MTCH1: variants seen among roughly 807,000 people sequenced by gnomAD.
MTCH1 encodes the protein mitochondrial carrier 1, also known as mitochondrial carrier homolog 1.
A neutral mutation model predicts 49.3 loss-of-function variants in MTCH1; 23 were observed. The ratio of observed to expected loss-of-function variants is 0.47; its 90% CI spans 0.34 to 0.66. The LOEUF (loss-of-function observed/expected upper bound fraction) is 0.66. Among genes scored for constraint, MTCH1 ranks in the 30% least tolerant of loss-of-function variants. MTCH1 has a pLI of 0.01. For missense variants in MTCH1, 397 were observed against 532.1 expected, an observed-to-expected ratio of 0.75 and a Z score of 2.50; for synonymous variants, 229 against 215.2, an observed-to-expected ratio of 1.06 and a Z score of -0.56.
At chr6:36,983,245 C>T (rs186136188) in intron 1 of MTCH1, among the ~76,000 whole-genome samples, 63 of 152,292 alleles carry the variant, frequency 4.1e-4, no homozygotes, top group African/African-American at 1.4e-3. Context: ...GTGAGTACTT[C>T]CCTTCTAGAC....
chr6:36,970,723 G>A lies in MTCH1; in HGVS notation c.907-29C>T, dbSNP rs966337315. ...AGGAGACAGAAGGGAAGAGTGGTTTGCCACAGGCACCTCAGGATGCAGACT... is the reference window on the plus strand; with the variant it reads ...AGGAGACAGAAGGGAAGAGTGGTTTACCACAGGCACCTCAGGATGCAGACT... On this transcript the variant is annotated intron_variant, in intron 8 of 11. Coordinates refer to ENST00000373627, the MANE Select transcript of MTCH1 (RefSeq NM_001271641.2). 8 of 1,611,388 alleles carry A rather than the reference G, an allele frequency of 5.0e-6. No homozygotes were observed. The African/African-American group carries it at 1.1e-4, about 22-fold the overall frequency.
At position 36,968,757 on chromosome 6, in the gene MTCH1, A is replaced by T; in HGVS notation, c.*146T>A. The T allele has an allele frequency of 7.8e-7, 1 of 1,286,152 alleles. No homozygotes were observed. The highest frequency in any genetic ancestry group is 1.1e-6 in the Non-Finnish European group (1 of 908,456). 79.7% of individuals were successfully genotyped at this position (1,286,152 alleles called of 1,614,324 possible). On this transcript the variant is annotated 3_prime_UTR_variant, in exon 12 of 12. Transcript: ENST00000373627. Reference sequence around the variant, plus strand: ...CCCGCTCAACCCCACATCTGGACAGACACATGGCAAATATGGAACTGAAGC... The same window carrying T: ...CCCGCTCAACCCCACATCTGGACAGTCACATGGCAAATATGGAACTGAAGC...
intron 2 of MTCH1, 148 bp from the exon 3 acceptor site, chr6:36,978,759 G>T: frequency 1.7e-6 from 1 of 592,696 alleles, no homozygotes; most frequent in Non-Finnish European, 2.9e-6. Flanking sequence ...GGACCTGGAA[G>T]CAGTCAGGCC....
chr6:36,971,682 G>GA (rs1383807164), intron 8 of MTCH1, among the ~76,000 whole-genome samples: 1 of 152,064 alleles, frequency 6.6e-6, no homozygotes, highest in Admixed American at 6.5e-5. Context: ...TCACCACACA[G>GA]AACAGACATG....
chr6:36,977,195 C>T lies in MTCH1; in HGVS notation c.701+4G>A, dbSNP rs376477097. On this transcript the variant is annotated splice_donor_region_variant and intron_variant, in intron 6 of 11. Coordinates refer to ENST00000373627, the MANE Select transcript of MTCH1 (RefSeq NM_001271641.2). The surrounding 1 kb of genome is among the most constrained non-coding windows in gnomAD (Gnocchi z 5.4). The stretch of plus-strand genomic sequence containing the variant: ...CCACTCTGCCAGTCCCAAGAGTTAC[C>T]CACCTGTACTTGGCCTCCCGTCCCA... 142 of 1,613,808 alleles carry T rather than the reference C, an allele frequency of 8.8e-5. 1 individual carries two copies. The highest frequency in any genetic ancestry group is 1.1e-4 in the Non-Finnish European group (132 of 1,179,942).
At chr6:36,978,212 C>T (rs529499931) in intron 3 of MTCH1, 57 bp from the exon 4 acceptor site, 21 of 1,475,432 alleles carry the variant, frequency 1.4e-5, no homozygotes, top group South Asian at 5.7e-5. Flanking sequence ...TGGAACTCTT[C>T]GGGGACTTGG....
rs748071779 is a variant in MTCH1 at position 36,975,681 on chromosome 6, C to G, written c.738G>C (p.Glu246Asp). 6.2e-7 allele frequency: 1 copy of G among 1,614,118 alleles called. No individual in the cohort carries two copies. The highest frequency in any genetic ancestry group is 2.2e-5 in the East Asian group (1 of 44,874). ...VLSSIGKIFK[E>D]EGLLGFFVGL... ...ACACGAAGAATCCCAGCAGCCCTTC[C>G]TCTTTGAAAATCTTCCCAATGGAGC... Residue 246 changes from glutamate (E) to aspartate (D), a missense_variant, in exon 7 of 12, where the codon GAG becomes GAC. By Grantham distance (45) the Glu-to-Asp change is conservative. Coordinates refer to ENST00000373627, the MANE Select transcript of MTCH1 (RefSeq NM_001271641.2).
intron 3 of MTCH1, 100 bp from the exon 4 acceptor site, chr6:36,978,255 C>A: frequency 8.9e-7 from 1 of 1,126,130 alleles, no homozygotes; most frequent in Non-Finnish European, 1.3e-6. Context: ...ATTTCCTCTG[C>A]AGTGTCTATT....
chr6:36,972,046 T>G lies in MTCH1; in HGVS notation c.906+606A>C, dbSNP rs1763704269. ...GACCACAGCTAACAAAATAGGAGGG[T>G]GTATCGGACTGTACACTTCCTAGCA... On this transcript the variant is annotated intron_variant, in intron 8 of 11. Transcript: ENST00000373627. The surrounding 1 kb of genome is among the most constrained non-coding windows in gnomAD (Gnocchi z 4.1). Among the ~76,000 whole-genome samples, 1 of 151,866 alleles carries G rather than the reference T, an allele frequency of 6.6e-6. No individual in the cohort carries two copies. Among genetic ancestry groups the G allele is most frequent in the African/African-American group, 2.4e-5 (1 of 41,316 alleles).
At chr6:36,984,458 G>A (rs1764220451) in intron 1 of MTCH1, among the ~76,000 whole-genome samples, 1 of 152,034 alleles carries the variant, frequency 6.6e-6, no homozygotes, top group South Asian at 2.1e-4. Context: ...TCGGATCCCA[G>A]ATTTCAATTA....
At chr6:36,969,336 G>T in intron 11 of MTCH1, 1 of 1,109,224 alleles carries the variant, frequency 9.0e-7, no homozygotes, top group South Asian at 2.4e-5. Flanking sequence ...TCTCCTCCCT[G>T]CTTCCCTCCC....
chr6:36,977,281 G>C lies in MTCH1; in HGVS notation c.650-31C>G, dbSNP rs1213329764. The stretch of plus-strand genomic sequence containing the variant: ...GAAAAAAAAGAAAACACACACAGGT[G>C]ATGTGGTGGGCCACACTTCATAATG... On this transcript the variant is annotated intron_variant, in intron 5 of 11. Transcript: ENST00000373627. This position sits in a 1 kb window ranked among gnomAD's most constrained non-coding sequence, Gnocchi z 5.4. 6.2e-7 allele frequency: 1 copy of C among 1,611,994 alleles called. No individual in the cohort carries two copies. The highest frequency in any genetic ancestry group is 1.7e-5 in the Admixed American group (1 of 60,024).
At position 36,978,227 on chromosome 6, in the gene MTCH1, CA is replaced by C. The variant is rs1331493156; in HGVS notation, c.514-73del. The C allele has an allele frequency of 4.5e-6, 6 of 1,330,720 alleles. No homozygotes were observed. The African/African-American group carries it at 8.7e-5, about 19-fold the overall frequency. 82.4% of individuals were successfully genotyped at this position (1,330,720 alleles called of 1,614,324 possible). A position where few individuals can be genotyped will look rare whatever the true frequency, so the allele number is the denominator to read the frequency against. ...TGGAACTCTTCGGGGACTTGGGCGGCAGGAACCAGCTCCAAATATTTCCTCT... is the reference window on the plus strand; with the variant it reads ...TGGAACTCTTCGGGGACTTGGGCGGCGGAACCAGCTCCAAATATTTCCTCT... On this transcript the variant is annotated intron_variant, in intron 3 of 11. Transcript: ENST00000373627.
Position 36,977,810 on chromosome 6 carries a change from C to G in MTCH1, c.592-119G>C. The stretch of plus-strand genomic sequence containing the variant: ...CTGTCCCAGGGACTGCACATGGGGT[C>G]GGTCTGCCAAGGATGGCTCCACCTG... On this transcript the variant is annotated intron_variant, in intron 4 of 11. Coordinates refer to ENST00000373627, the MANE Select transcript of MTCH1 (RefSeq NM_001271641.2). The surrounding 1 kb of genome is among the most constrained non-coding windows in gnomAD (Gnocchi z 5.4). The G allele has an allele frequency of 2.1e-6, 2 of 951,118 alleles. No homozygotes were observed. The highest frequency in any genetic ancestry group is 3.2e-6 in the Non-Finnish European group (2 of 624,858). 58.9% of individuals were successfully genotyped at this position (951,118 alleles called of 1,614,324 possible).
Position 36,968,598 on chromosome 6 carries a change from TA to T in MTCH1, c.*304del, listed in dbSNP as rs1383590045. The T allele has an allele frequency of 4.6e-6, 2 of 438,098 alleles. No individual in the cohort carries two copies. Among genetic ancestry groups the T allele is most frequent in the Non-Finnish European group, 9.0e-6 (2 of 221,236 alleles). 27.1% of individuals were successfully genotyped at this position (438,098 alleles called of 1,614,324 possible). A position where few individuals can be genotyped will look rare whatever the true frequency, so the allele number is the denominator to read the frequency against. On this transcript the variant is annotated 3_prime_UTR_variant, in exon 12 of 12. Transcript: ENST00000373627. ...TTTCCCCATCCAACCTGGGCCCCCA[TA>T]AGCCATTCTCTGGCCCTCTGCACAA...
At chr6:36,973,094 AT>A in intron 7 of MTCH1, among the ~76,000 whole-genome samples, 1 of 152,292 alleles carries the variant, frequency 6.6e-6, no homozygotes, top group East Asian at 1.9e-4. Flanking sequence ...CAAATTTGGA[AT>A]TTCCAAATGC....
At position 36,985,255 on chromosome 6, in the gene MTCH1, C is replaced by A. The variant is rs116530440; in HGVS notation, c.321+598G>T. Among the ~76,000 whole-genome samples the A allele has an allele frequency of 4.6e-3, 694 of 152,240 alleles. 10 individuals carry two copies. The highest frequency in any genetic ancestry group is 0.016 in the African/African-American group (654 of 41,510). On this transcript the variant is annotated intron_variant, in intron 1 of 11. Coordinates refer to ENST00000373627, the MANE Select transcript of MTCH1 (RefSeq NM_001271641.2). Reference sequence around the variant, plus strand: ...CAAGACCTCCGTCTCCTCTGTCCACCCCCAGTCTGGTGTCCTTCTTTCCCT... The same window carrying A: ...CAAGACCTCCGTCTCCTCTGTCCACACCCAGTCTGGTGTCCTTCTTTCCCT...
At chr6:36,975,461 T>G (rs559912815) in intron 7 of MTCH1, among the ~76,000 whole-genome samples, 197 bp downstream of exon 7, 1 of 152,350 alleles carries the variant, frequency 6.6e-6, no homozygotes, top group South Asian at 2.1e-4. Context: ...GTTCCACTTT[T>G]ACATGAGCCA....
At chr6:36,980,409 T>C (rs1406220564) in intron 2 of MTCH1, among the ~76,000 whole-genome samples, 1 of 152,248 alleles carries the variant, frequency 6.6e-6, no homozygotes, top group Non-Finnish European at 1.5e-5. Flanking sequence ...CCGGCTGCCT[T>C]ACCTCTCTGT....
Sources: allele counts gnomAD v4.1 joint callset (sites outside exome capture counted in the v4.1 genomes callset), GRCh38; gene constraint gnomAD v4.1.1; non-coding constraint Gnocchi (gnomAD v3.1); transcripts MANE v1.5; gene names NCBI Gene and HGNC (gene_info 2026-07-23, HGNC 2026-07-21).